Variants in ZNF135 observed in about 807,000 individuals in gnomAD.
The protein encoded by ZNF135 is zinc finger protein 135 (clone pHZ-17).
A neutral mutation model predicts 12.3 loss-of-function variants in ZNF135; 11 were observed. That is an observed-to-expected ratio of 0.89 (90% confidence interval 0.56 to 1.48). The LOEUF is 1.48. Among genes scored for constraint, ZNF135 ranks in the 40% most tolerant of loss-of-function variants. The pLI is 0.00. For synonymous variants in ZNF135, 316 were observed against 312.0 expected, an observed-to-expected ratio of 1.01 and a Z score of -0.14; for missense variants, 722 against 815.7, an observed-to-expected ratio of 0.89 and a Z score of 1.40.
chr19:58,061,728 A>C (rs545426316), intron 3 of ZNF135, 22 bp downstream of exon 3: 1 of 1,592,922 alleles, frequency 6.3e-7, no homozygotes, highest in Non-Finnish European at 8.5e-7. Context: ...CCCATGTCCT[A>C]TCTGTTGATC....
chr19:58,060,058 GC>G lies in ZNF135; in HGVS notation c.33+24del, dbSNP rs766351211. 7 of 1,612,654 alleles carry G rather than the reference GC, an allele frequency of 4.3e-6. No individual in the cohort carries two copies. In the Admixed American group the frequency reaches 8.3e-5, roughly 19 times the overall value. The stretch of plus-strand genomic sequence containing the variant: ...CCGGTGAGAATCTCGGCCTCCTTGC[GC>G]GTGTCCTCCACCTCGTGCCCGGCCT... On this transcript the variant is annotated intron_variant, in intron 2 of 4. Transcript: ENST00000313434. The surrounding 1 kb of genome is among the most constrained non-coding windows in gnomAD (Gnocchi z 4.9).
rs1389399475 is a variant in ZNF135, at chr19:58,060,174, GCGTGCCCGGCCCCTACT to G, written c.33+151_33+167del. The G allele has an allele frequency of 3.7e-5, 56 of 1,520,236 alleles. No homozygotes were observed. Among genetic ancestry groups the G allele is most frequent in the Admixed American group, 2.4e-4 (12 of 50,516 alleles). 94.2% of individuals were successfully genotyped at this position (1,520,236 alleles called of 1,614,324 possible). ...TCCTCCTTGTGCCCGGCCCCTACTT[GCGTGCCCGGCCCCTACT>G]CGTGCCCGGCCTCTACTCGCACAAC... is the stretch of plus-strand genomic sequence containing the variant. On this transcript the variant is annotated intron_variant, in intron 2 of 4. Coordinates refer to ENST00000313434, the MANE Select transcript of ZNF135 (RefSeq NM_001289401.2). The surrounding 1 kb of genome is among the most constrained non-coding windows in gnomAD (Gnocchi z 4.9).
Position 58,060,258 on chromosome 19 carries a change from TCTACTCGTGCCCGGC to T in ZNF135, c.33+226_33+240del. ...ACCTGGCCTCTACTGGTGCCCGGCC[TCTACTCGTGCCCGGC>T]CTCTATTTGCACATCTAGCCTCTAC... On this transcript the variant is annotated intron_variant, in intron 2 of 4. Transcript: ENST00000313434. The surrounding 1 kb of genome is among the most constrained non-coding windows in gnomAD (Gnocchi z 4.9). 3.0e-6 allele frequency: 1 copy of T among 328,490 alleles called. No homozygotes were observed. Among genetic ancestry groups the T allele is most frequent in the Admixed American group, 1.0e-4 (1 of 9,622 alleles). 20.3% of individuals were successfully genotyped at this position (328,490 alleles called of 1,614,324 possible).
intron 3 of ZNF135, among the ~76,000 whole-genome samples, chr19:58,062,733 C>T (rs1000038573): frequency 2.6e-5 from 4 of 151,592 alleles, no homozygotes; most frequent in East Asian, 3.9e-4. Flanking sequence ...TGTTCTCTTG[C>T]CCAGGGTGGA....
At position 58,068,005 on chromosome 19, in the gene ZNF135, G is replaced by A. The variant is rs538478408; in HGVS notation, c.1521G>A (p.Ser507=). The A allele has an allele frequency of 2.0e-5, 33 of 1,610,344 alleles. No homozygotes were observed. Among genetic ancestry groups the A allele is most frequent in the South Asian group, 1.8e-4 (16 of 90,870 alleles). Residue 507 remains serine (S), a synonymous_variant, in exon 5 of 5, where the codon TCG becomes TCA. Coordinates refer to ENST00000313434, the MANE Select transcript of ZNF135 (RefSeq NM_001289401.2). ...GCGGCAAGGCATTCAGTCACAGCTC[G>A]TCCCTCACCAAACATCAGCGAATCC... ...NDCGKAFSHS[S]SLTKHQRIHT... is the part of the protein sequence containing the mutation.
intron 2 of ZNF135, 125 bp from the exon 3 acceptor site, chr19:58,061,455 C>A: frequency 7.7e-7 from 1 of 1,304,618 alleles, no homozygotes; most frequent in Non-Finnish European, 1.0e-6. Context: ...CACAGAAAAA[C>A]CTGACCCAAA....
At chr19:58,062,549 ATTT>A (rs35708367) in intron 3 of ZNF135, among the ~76,000 whole-genome samples, 36 of 143,570 alleles carry the variant, frequency 2.5e-4, no homozygotes, top group Middle Eastern at 3.6e-3. Context: ...CGCCTGGCTA[ATTT>A]TTTTTTTTTT....
chr19:58,068,323 G>A lies in ZNF135; in HGVS notation c.1839G>A (p.Lys613=), dbSNP rs1599934425. 3 of 1,613,520 alleles carry A rather than the reference G, an allele frequency of 1.9e-6. No homozygotes were observed. The highest frequency in any genetic ancestry group is 2.5e-6 in the Non-Finnish European group (3 of 1,179,854). ...CCTATGAGTGTCACGATTGCGGAAA[G>A]TCCTTTAGGCAGAGCACCCACCTCA... is the stretch of plus-strand genomic sequence containing the variant. ...EKPYECHDCG[K]SFRQSTHLTQ... is the part of the protein sequence containing the mutation. Residue 613 remains lysine, a synonymous_variant, in exon 5 of 5, where the codon AAG becomes AAA. Transcript: ENST00000313434.
rs772332061 is a variant in ZNF135, at chr19:58,063,412, C to T, written c.161-34C>T. On this transcript the variant is annotated intron_variant, in intron 3 of 4. Coordinates refer to ENST00000313434, the MANE Select transcript of ZNF135 (RefSeq NM_001289401.2). This position sits in a 1 kb window ranked among gnomAD's most constrained non-coding sequence, Gnocchi z 4.4. Reference sequence around the variant, plus strand: ...GAGGCTCAGGAAGGGTCCTGGGATACAAATGCTCACTCTATGGGTCTCTCC... The same window carrying T: ...GAGGCTCAGGAAGGGTCCTGGGATATAAATGCTCACTCTATGGGTCTCTCC... The T allele has an allele frequency of 1.9e-6, 3 of 1,613,176 alleles. No individual in the cohort carries two copies. In the South Asian group the frequency reaches 3.3e-5, roughly 18 times the overall value.
Position 58,060,031 on chromosome 19 carries a change from A to C in ZNF135, c.29A>C (p.Asp10Ala). MTPGVRVST[D>A]PEQVTFEDVV... ...ACCCCTGGGGTGCGCGTCTCCACAG[A>C]CCCGGTGAGAATCTCGGCCTCCTTG... is the stretch of plus-strand genomic sequence containing the variant. Residue 10 changes from aspartate to alanine, a missense_variant, in exon 2 of 5, where the codon GAC (aspartate) becomes GCC (alanine). Asp to Ala is a moderately radical substitution (Grantham distance 126). Transcript: ENST00000313434. The surrounding 1 kb of genome is among the most constrained non-coding windows in gnomAD (Gnocchi z 4.9). 1 of 1,613,248 alleles carries C rather than the reference A, an allele frequency of 6.2e-7. No homozygotes were observed. The highest frequency in any genetic ancestry group is 8.5e-7 in the Non-Finnish European group (1 of 1,179,786).
intron 2 of ZNF135, 86 bp from the exon 3 acceptor site, chr19:58,061,494 C>T: frequency 6.6e-7 from 1 of 1,521,208 alleles, no homozygotes; most frequent in Non-Finnish European, 8.8e-7. Flanking sequence ...CTCCATCCGA[C>T]CCAGCCTGGC....
Position 58,068,535 on chromosome 19 carries a change from C to T in ZNF135, c.*74C>T. Reference sequence around the variant, plus strand: ...CATCCCTTTCTAGATTTGACCCAATCATACACATGAGAAACGTACATTCAT... The same window carrying T: ...CATCCCTTTCTAGATTTGACCCAATTATACACATGAGAAACGTACATTCAT... On this transcript the variant is annotated 3_prime_UTR_variant, in exon 5 of 5. Coordinates refer to ENST00000313434, the MANE Select transcript of ZNF135 (RefSeq NM_001289401.2). 6.6e-7 allele frequency: 1 copy of T among 1,523,524 alleles called. No homozygotes were observed. Among genetic ancestry groups the T allele is most frequent in the South Asian group, 1.2e-5 (1 of 80,014 alleles). 94.4% of individuals were successfully genotyped at this position (1,523,524 alleles called of 1,614,324 possible). A position where few individuals can be genotyped will look rare whatever the true frequency, so the allele number is the denominator to read the frequency against.
chr19:58,067,203 G>C lies in ZNF135; in HGVS notation c.719G>C (p.Arg240Thr), dbSNP rs2074084426. The change falls in exon 5 of 5, where the codon AGA (arginine) becomes ACA (threonine). Residue 240 changes from arginine (R) to threonine (T), a missense_variant. Arg to Thr is a moderately conservative substitution (Grantham distance 71). Transcript: ENST00000313434. ...CACCACCGGACGCACACAGGAGAGA[G>C]ACCTTACGAATGTCACGAATGCTTA... ...IEHHRTHTGERPYECHECLKG... is the reference protein window; with the variant it reads ...IEHHRTHTGETPYECHECLKG... 2 of 1,613,906 alleles carry C rather than the reference G, an allele frequency of 1.2e-6. No individual in the cohort carries two copies. Among genetic ancestry groups the C allele is most frequent in the Non-Finnish European group, 1.7e-6 (2 of 1,179,888 alleles).
In ZNF135 at chr19:58,063,559, C is replaced by A; in HGVS notation, c.256+18C>A. On this transcript the variant is annotated intron_variant, in intron 4 of 4. Coordinates refer to ENST00000313434, the MANE Select transcript of ZNF135 (RefSeq NM_001289401.2). The surrounding 1 kb of genome is among the most constrained non-coding windows in gnomAD (Gnocchi z 4.4). ...GTACCCAGGTGAGATGGGAGCCCTT[C>A]GGGGCAGAGAGAAGCCTGTCCATGC... is the stretch of plus-strand genomic sequence containing the variant. The A allele has an allele frequency of 1.2e-6, 2 of 1,613,864 alleles. No individual in the cohort carries two copies. The highest frequency in any genetic ancestry group is 1.1e-5 in the South Asian group (1 of 91,070).
rs556978593 is a variant in ZNF135, at chr19:58,067,615, A to G, written c.1131A>G (p.Thr377=). 2.1e-5 allele frequency: 34 copies of G among 1,613,938 alleles called. No homozygotes were observed. The South Asian group carries it at 3.2e-4, about 15-fold the overall frequency. ...SSLTKHQRIH[T]GEKPYECHEC... Reference sequence around the variant, plus strand: ...TGACCAAACACCAGCGAATCCACACAGGGGAGAAGCCCTACGAGTGCCATG... The same window carrying G: ...TGACCAAACACCAGCGAATCCACACGGGGGAGAAGCCCTACGAGTGCCATG... Residue 377 remains threonine, a synonymous_variant, in exon 5 of 5, where the codon ACA becomes ACG. Coordinates refer to ENST00000313434, the MANE Select transcript of ZNF135 (RefSeq NM_001289401.2).
At chr19:58,062,600 C>T (rs539007681) in intron 3 of ZNF135, among the ~76,000 whole-genome samples, 2 of 150,706 alleles carry the variant, frequency 1.3e-5, no homozygotes, top group Admixed American at 1.3e-4. Context: ...ACCGTGTTAG[C>T]CAGGATGGTC....
chr19:58,061,696 G>A lies in ZNF135; in HGVS notation c.150G>A (p.Leu50=), dbSNP rs552908818. The change falls in exon 3 of 5, where the codon CTG becomes CTA. Residue 50 remains leucine, a synonymous_variant. Transcript: ENST00000313434. ...RDVMLDTFRL[L]VSVGHWLPKP... ...TAATGCTGGACACCTTCAGGCTTCTGGTCTCTGTGGGTAAGGCCACACCCA... is the reference window on the plus strand; with the variant it reads ...TAATGCTGGACACCTTCAGGCTTCTAGTCTCTGTGGGTAAGGCCACACCCA... 7 of 1,612,582 alleles carry A rather than the reference G, an allele frequency of 4.3e-6. No individual in the cohort carries two copies. In the East Asian group the frequency reaches 1.3e-4, roughly 31 times the overall value.
Position 58,068,083 on chromosome 19 carries a change from G to T in ZNF135, c.1599G>T (p.Gln533His). The stretch of plus-strand genomic sequence containing the variant: ...ACCAGTGTGGCAGAGCCTTCAGCCA[G>T]CTTGCTCCCCTCATTCAGCATCAGA... The part of the protein sequence containing the change: ...ECNQCGRAFS[Q>H]LAPLIQHQRI... Residue 533 changes from glutamine (Q) to histidine (H), a missense_variant, in exon 5 of 5, where the codon CAG (glutamine) becomes CAT (histidine). Physicochemically the swap from Gln to His is conservative, Grantham distance 24. Coordinates refer to ENST00000313434, the MANE Select transcript of ZNF135 (RefSeq NM_001289401.2). 1.2e-6 allele frequency: 2 copies of T among 1,613,956 alleles called. No homozygotes were observed. Among genetic ancestry groups the T allele is most frequent in the Non-Finnish European group, 1.7e-6 (2 of 1,179,990 alleles).
At position 58,060,770 on chromosome 19, in the gene ZNF135, T is replaced by C. The variant is rs1430596968; in HGVS notation, c.33+735T>C. Among the ~76,000 whole-genome samples, 2 of 151,924 alleles carry C rather than the reference T, an allele frequency of 1.3e-5. No individual in the cohort carries two copies. The highest frequency in any genetic ancestry group is 4.8e-5 in the African/African-American group (2 of 41,328). ...AGGAGTTGGAGGCTGCAGTGAGCCA[T>C]GATGTGCCACTGCACTCCAGCCTGA... On this transcript the variant is annotated intron_variant, in intron 2 of 4. Transcript: ENST00000313434. The surrounding 1 kb of genome is among the most constrained non-coding windows in gnomAD (Gnocchi z 4.9).
Sources: gnomAD v4.1 joint callset for allele counts (sites outside exome capture counted in the v4.1 genomes callset) on GRCh38, gnomAD v4.1.1 for gene constraint, Gnocchi (gnomAD v3.1) non-coding constraint, MANE v1.5 for transcripts, NCBI Gene and HGNC (gene_info 2026-07-23, HGNC 2026-07-21) for gene names.